The following PDE4B variants were observed in gnomAD, a reference collection of about 807,000 sequenced individuals.
The protein encoded by PDE4B is 3',5'-cyclic-AMP phosphodiesterase 4B.
A neutral mutation model predicts 82.2 loss-of-function variants in PDE4B; 20 were observed. The observed-to-expected ratio is 0.24, with a 90% confidence interval of 0.17 to 0.35. The LOEUF (loss-of-function observed/expected upper bound fraction) is 0.35, where lower values mean the gene tolerates loss of function less well. Ranked by LOEUF, PDE4B falls within the 10% of genes least tolerant of loss-of-function variation. The pLI is 1.00. For synonymous variants in PDE4B, 320 were observed against 318.9 expected, an observed-to-expected ratio of 1.00 and a Z score of -0.04; for missense variants, 655 against 907.2, an observed-to-expected ratio of 0.72 and a Z score of 3.57.
intron 7 of PDE4B, among the ~76,000 whole-genome samples, chr1:66,269,550 G>A (rs1172622536): frequency 6.6e-6 from 1 of 152,162 alleles, no homozygotes; most frequent in African/African-American, 2.4e-5. Context: ...AAATAAGGCA[G>A]GAACTCGAAT....
intron 3 of PDE4B, among the ~76,000 whole-genome samples, chr1:65,931,975 C>T (rs1647862025): frequency 6.6e-6 from 1 of 152,198 alleles, no homozygotes; most frequent in Admixed American, 6.5e-5. Flanking sequence ...TTACCATATC[C>T]TTTCCCTCAG....
intron 8 of PDE4B, among the ~76,000 whole-genome samples, chr1:66,353,749 C>T (rs1662014639): frequency 6.6e-6 from 1 of 152,132 alleles, no homozygotes; most frequent in Admixed American, 6.6e-5. Flanking sequence ...GAAGGAATGA[C>T]TTTCTCAACA....
chr1:65,986,105 G>A (rs1306959449), intron 3 of PDE4B, among the ~76,000 whole-genome samples: 1 of 151,926 alleles, frequency 6.6e-6, no homozygotes, highest in Non-Finnish European at 1.5e-5. Context: ...AAAAATGCAG[G>A]GCTAATAGCA....
chr1:66,159,199 C>T (rs1425230632), intron 3 of PDE4B, among the ~76,000 whole-genome samples: 1 of 151,866 alleles, frequency 6.6e-6, no homozygotes, highest in African/African-American at 2.4e-5. Flanking sequence ...ACACTTACCC[C>T]ATAAATATGC....
At chr1:66,096,508 TTATATATATATATATATATA>T (rs4068855) in intron 3 of PDE4B, among the ~76,000 whole-genome samples, 85 of 107,320 alleles carry the variant, frequency 7.9e-4, no homozygotes, top group Non-Finnish European at 1.4e-3. Context: ...GTAAAAAAAA[TTATATATATATATATATATA>T]TATATATATA....
At chr1:66,158,770 T>TAATTCCCTTTATAATA in intron 3 of PDE4B, among the ~76,000 whole-genome samples, 2 of 152,130 alleles carry the variant, frequency 1.3e-5, no homozygotes, top group African/African-American at 4.8e-5. Context: ...TAACACAAAA[T>TAATTCCCTTTATAATA]GAAATCCTGT....
chr1:66,323,944 G>A (rs1659581355), intron 7 of PDE4B, among the ~76,000 whole-genome samples: 1 of 152,120 alleles, frequency 6.6e-6, no homozygotes, highest in South Asian at 2.1e-4. Flanking sequence ...TGTGTCATTG[G>A]TCTTCAATAC....
At chr1:65,797,195 C>A (rs1446435092) in intron 1 of PDE4B, among the ~76,000 whole-genome samples, 1 of 152,108 alleles carries the variant, frequency 6.6e-6, no homozygotes. Flanking sequence ...ACCTCGTGAT[C>A]CACCTGCCTC....
intron 3 of PDE4B, among the ~76,000 whole-genome samples, chr1:66,194,092 T>G (rs1648064729): frequency 1.3e-5 from 2 of 152,028 alleles, no homozygotes; most frequent in South Asian, 2.1e-4. Flanking sequence ...CTTTCTTCTG[T>G]TCTTAGATGT....
intron 3 of PDE4B, among the ~76,000 whole-genome samples, chr1:66,210,698 A>C (rs1364488089): frequency 6.6e-6 from 1 of 152,050 alleles, no homozygotes; most frequent in East Asian, 1.9e-4. Context: ...ATACAATCAC[A>C]GGAACCTATA....
chr1:66,346,003 T>G (rs1017665850), intron 8 of PDE4B, among the ~76,000 whole-genome samples: 2 of 152,158 alleles, frequency 1.3e-5, no homozygotes, highest in Admixed American at 6.5e-5. Context: ...TGGCTTACTA[T>G]TCTCTCAAAA....
chr1:66,286,598 A>G (rs1656695714), intron 7 of PDE4B, among the ~76,000 whole-genome samples: 1 of 152,144 alleles, frequency 6.6e-6, no homozygotes, highest in South Asian at 2.1e-4. Context: ...ATCATTTCCT[A>G]GGACCAAGGC....
intron 3 of PDE4B, among the ~76,000 whole-genome samples, chr1:66,050,013 A>C (rs1003038949): frequency 1.3e-5 from 2 of 152,090 alleles, no homozygotes; most frequent in African/African-American, 4.8e-5. Flanking sequence ...AAAAGACAGT[A>C]GTTTTGGGAC....
intron 3 of PDE4B, among the ~76,000 whole-genome samples, chr1:66,038,713 C>A (rs570963215): frequency 1.5e-4 from 23 of 152,064 alleles, no homozygotes; most frequent in African/African-American, 5.3e-4. Context: ...AGGGAGGAAA[C>A]TGGTGAAGCT....
intron 3 of PDE4B, among the ~76,000 whole-genome samples, chr1:66,230,416 A>G (rs1651857929): frequency 6.6e-6 from 1 of 152,220 alleles, no homozygotes; most frequent in Non-Finnish European, 1.5e-5. Flanking sequence ...ATGATGATGT[A>G]TTGGAGGTTT....
At chr1:66,066,261 A>G (rs1346116963) in intron 3 of PDE4B, among the ~76,000 whole-genome samples, 1 of 151,806 alleles carries the variant, frequency 6.6e-6, no homozygotes, top group Non-Finnish European at 1.5e-5. Flanking sequence ...GTAATGAGAT[A>G]GTCCCTACCC....
intron 3 of PDE4B, among the ~76,000 whole-genome samples, chr1:66,138,584 G>A (rs1454759456): frequency 6.6e-6 from 1 of 152,098 alleles, no homozygotes; most frequent in East Asian, 1.9e-4. Context: ...AAAATGACTA[G>A]GCATTTAGAG....
intron 1 of PDE4B, among the ~76,000 whole-genome samples, chr1:65,794,892 AT>A (rs1475585472): frequency 1.3e-5 from 2 of 152,098 alleles, no homozygotes. Flanking sequence ...GTCTACTTGT[AT>A]TTTTATCAGC....
chr1:65,878,814 G>A (rs969986280), intron 1 of PDE4B, among the ~76,000 whole-genome samples: 1 of 152,032 alleles, frequency 6.6e-6, no homozygotes, highest in Admixed American at 6.6e-5. Context: ...CAGGTTGATA[G>A]GTGCAGCACA....
Sources: gnomAD v4.1 joint callset for allele counts (sites outside exome capture counted in the v4.1 genomes callset) on GRCh38, gnomAD v4.1.1 for gene constraint, MANE v1.5 for transcripts, NCBI Gene and HGNC (gene_info 2026-07-23, HGNC 2026-07-21) for gene names.